Variants in SACM1L observed in about 807,000 individuals in gnomAD.
SACM1L encodes SAC1 like phosphatidylinositide phosphatase, also known as phosphatidylinositol-3-phosphatase SAC1.
In SACM1L, 32 loss-of-function variants were observed where a neutral mutation model predicts 89.5. The ratio of observed to expected loss-of-function variants is 0.36; its 90% CI spans 0.27 to 0.48. SACM1L has a LOEUF of 0.48. SACM1L is among the 20% of genes least tolerant of loss of function. The probability of loss-of-function intolerance (pLI) is 0.99; values close to 1 mark genes in which losing one functional copy is unlikely to be tolerated. For synonymous variants in SACM1L, 213 were observed against 232.8 expected (o/e 0.92, Z 0.77); for missense variants, 543 against 708.5 (o/e 0.77, Z 2.65).
intron 8 of SACM1L, among the ~76,000 whole-genome samples, chr3:45,719,901 C>T (rs953971254): frequency 1.3e-5 from 2 of 152,176 alleles, no homozygotes; most frequent in African/African-American, 4.8e-5. Context: ...AGTAACCTAA[C>T]TTAGAAAGTA....
rs1038674342 is a variant in SACM1L at position 45,722,060 on chromosome 3, A to G, written c.740A>G (p.Asn247Ser). The G allele has an allele frequency of 6.2e-7, 1 of 1,612,288 alleles. No individual in the cohort carries two copies. The highest frequency in any genetic ancestry group is 8.5e-7 in the Non-Finnish European group (1 of 1,179,026). Residue 247 changes from asparagine (N) to serine (S), a missense_variant, in exon 9 of 20, where the codon AAT (asparagine) becomes AGT (serine). By Grantham distance (46) the Asn-to-Ser change is conservative. Around this residue, in one of 2 missense-constraint regions of SACM1L, gnomAD observed 370 missense variants for 527.6 expected, o/e 0.70. Transcript: ENST00000389061. ...GAAACAGAACAAATTGTGCACTACA[A>G]TGGGAGCAAAGCTTCGTTTGTACAG... The part of the protein sequence containing the change: ...FVETEQIVHY[N>S]GSKASFVQTR...
intron 7 of SACM1L, among the ~76,000 whole-genome samples, chr3:45,718,155 C>T (rs578240788): frequency 1.7e-3 from 260 of 152,102 alleles, no homozygotes; most frequent in Admixed American, 4.2e-3. Context: ...TGTCCATGGA[C>T]AGTAGAATGG....
chr3:45,727,356 G>C (rs950952019), intron 11 of SACM1L, among the ~76,000 whole-genome samples: 1 of 152,000 alleles, frequency 6.6e-6, no homozygotes, highest in Non-Finnish European at 1.5e-5. Context: ...TTAGCTTTCT[G>C]TTGTGATCAG....
intron 1 of SACM1L, among the ~76,000 whole-genome samples, chr3:45,702,016 G>T (rs536904855): frequency 3.9e-5 from 6 of 152,216 alleles, no homozygotes; most frequent in African/African-American, 1.4e-4. Context: ...AAAAAGGAAT[G>T]AATTGTTGTG....
chr3:45,720,453 T>A (rs527398971), intron 8 of SACM1L, among the ~76,000 whole-genome samples: 54 of 152,278 alleles, frequency 3.5e-4, no homozygotes, highest in African/African-American at 1.3e-3. Flanking sequence ...CCTTCCCAGC[T>A]AATCAGATGT....
At chr3:45,711,556 G>T (rs1451195422) in intron 5 of SACM1L, among the ~76,000 whole-genome samples, 1 of 151,758 alleles carries the variant, frequency 6.6e-6, no homozygotes, top group East Asian at 1.9e-4. Context: ...TGAGATAGAA[G>T]CCACAGTGTG....
chr3:45,691,074 T>C lies in SACM1L; in HGVS notation c.32+1577T>C, dbSNP rs144768721. On this transcript the variant is annotated intron_variant, in intron 1 of 19. Coordinates refer to ENST00000389061, the MANE Select transcript of SACM1L (RefSeq NM_014016.5). The stretch of plus-strand genomic sequence containing the variant: ...CAGACCTTAAAACAAACCCAAATCC[T>C]CGCATACATAAAAGAGAAAGGAAAT... Among the ~76,000 whole-genome samples, 51 of 152,336 alleles carry C rather than the reference T, an allele frequency of 3.3e-4. No individual in the cohort carries two copies. In the East Asian group the frequency reaches 8.9e-3, roughly 26 times the overall value.
intron 7 of SACM1L, among the ~76,000 whole-genome samples, chr3:45,718,123 G>A (rs1320286816): frequency 6.6e-6 from 1 of 152,150 alleles, no homozygotes; most frequent in Admixed American, 6.5e-5. Context: ...GTTCATAATA[G>A]TAAAACTGGA....
At chr3:45,699,775 A>T (rs1180894690) in intron 1 of SACM1L, among the ~76,000 whole-genome samples, 1 of 151,986 alleles carries the variant, frequency 6.6e-6, no homozygotes. Flanking sequence ...GCCCGCTTCC[A>T]CCTCCTAAAG....
intron 7 of SACM1L, among the ~76,000 whole-genome samples, chr3:45,716,116 GA>G (rs1399574925): frequency 1.3e-5 from 2 of 152,124 alleles, no homozygotes; most frequent in Admixed American, 1.3e-4. Context: ...TGTGTTCAGA[GA>G]ATTAGCTCAG....
intron 5 of SACM1L, among the ~76,000 whole-genome samples, chr3:45,711,239 G>C (rs1575394567): frequency 6.6e-6 from 1 of 152,148 alleles, no homozygotes; most frequent in Non-Finnish European, 1.5e-5. Context: ...GGTGACAGTG[G>C]GCCGGGGGGT....
intron 1 of SACM1L, 174 bp downstream of exon 1, chr3:45,689,671 A>C: frequency 1.3e-6 from 1 of 745,392 alleles, no homozygotes; most frequent in Non-Finnish European, 2.2e-6. Context: ...GAGTAGCCAT[A>C]GGCCGGGAAC....
intron 1 of SACM1L, among the ~76,000 whole-genome samples, chr3:45,699,305 AAAT>A (rs1373287532): frequency 1.3e-5 from 2 of 151,402 alleles, no homozygotes; most frequent in African/African-American, 2.4e-5. Context: ...ATAAATAAAA[AAAT>A]AATAGTAGCA....
At chr3:45,723,297 A>ATGAT (rs1313995124) in intron 10 of SACM1L, among the ~76,000 whole-genome samples, 178 bp from the exon 11 acceptor site, 4 of 152,158 alleles carry the variant, frequency 2.6e-5, no homozygotes, top group Admixed American at 2.0e-4. Flanking sequence ...AAAATAGCTT[A>ATGAT]TGATTACTAG....
Position 45,743,743 on chromosome 3 carries a change from T to G in SACM1L, c.*74T>G. 3 of 1,503,378 alleles carry G rather than the reference T, an allele frequency of 2.0e-6. No homozygotes were observed. The highest frequency in any genetic ancestry group is 2.7e-6 in the Non-Finnish European group (3 of 1,119,140). The allele number at this position is 1,503,378 out of a possible 1,614,324, so 93.1% of individuals were successfully genotyped here. On this transcript the variant is annotated 3_prime_UTR_variant, in exon 20 of 20. Transcript: ENST00000389061. ...AACTGGAGTCTTTACTGACCCGCTT[T>G]CCACATCAGCCCAAGGTCTTTTTAA...
At chr3:45,705,512 T>C (rs891040993) in intron 3 of SACM1L, among the ~76,000 whole-genome samples, 2 of 149,706 alleles carry the variant, frequency 1.3e-5, no homozygotes, top group African/African-American at 4.9e-5. Context: ...TTTTTTTTTT[T>C]TTTTTTTGAG....
chr3:45,737,787 C>G lies in SACM1L; in HGVS notation c.1325C>G (p.Ala442Gly), dbSNP rs777089782. The stretch of plus-strand genomic sequence containing the variant: ...TTTTCTACAGCCTGGGCTGACAACG[C>G]AAATGCTTGTGCCAAGCAATATGCG... ...KIYKNAWADN[A>G]NACAKQYAGT... The change falls in exon 16 of 20, where the codon GCA (alanine) becomes GGA (glycine). Residue 442 changes from alanine (A) to glycine (G), a missense_variant. Physicochemically the swap from Ala to Gly is moderately conservative, Grantham distance 60 (BLOSUM62 0). This residue lies in a region of SACM1L where 370 missense variants were observed against 527.6 expected (regional missense o/e 0.70). Transcript: ENST00000389061. 20 of 1,613,982 alleles carry G rather than the reference C, an allele frequency of 1.2e-5. No homozygotes were observed. The highest frequency in any genetic ancestry group is 1.4e-5 in the Non-Finnish European group (17 of 1,179,918).
chr3:45,733,405 G>T (rs1313948160), intron 13 of SACM1L, among the ~76,000 whole-genome samples: 10 of 152,168 alleles, frequency 6.6e-5, no homozygotes, highest in African/African-American at 2.4e-4. Flanking sequence ...AAGTGAAGAT[G>T]ATAACTTACT....
At chr3:45,715,633 G>T (rs1294051149) in intron 7 of SACM1L, among the ~76,000 whole-genome samples, 1 of 152,042 alleles carries the variant, frequency 6.6e-6, no homozygotes, top group Non-Finnish European at 1.5e-5. Context: ...AATTAGCTGG[G>T]CGTGGTGGCT....
Sources: gnomAD v4.1 joint callset for allele counts (sites outside exome capture counted in the v4.1 genomes callset) on GRCh38, gnomAD v4.1.1 for gene constraint, gnomAD v4.1.1 regional missense constraint, MANE v1.5 for transcripts, NCBI Gene and HGNC (gene_info 2026-07-23, HGNC 2026-07-21) for gene names.